EFCAB5: variants seen among roughly 807,000 people sequenced by gnomAD.
EFCAB5 encodes the protein EF-hand calcium-binding domain-containing protein 5.
Under a neutral mutation model 167.9 loss-of-function variants are expected in EFCAB5, and 131 were observed. That is an observed-to-expected ratio of 0.78 (90% CI 0.68 to 0.90). The LOEUF is 0.90. EFCAB5 is among the 40% of genes least tolerant of loss of function. The probability of loss-of-function intolerance (pLI) is 0.00; values close to 1 mark genes in which losing one functional copy is unlikely to be tolerated. For synonymous variants in EFCAB5, 574 were observed against 602.8 expected (o/e 0.95, Z 0.70); for missense variants, 1,663 against 1,745.2 (o/e 0.95, Z 0.84).
chr17:30,025,954 A>G (rs1389286401), intron 7 of EFCAB5, among the ~76,000 whole-genome samples: 2 of 151,312 alleles, frequency 1.3e-5, no homozygotes, highest in Non-Finnish European at 2.9e-5. Context: ...TCACTCATAG[A>G]TGGGAACTGA....
At chr17:30,107,536 G>A (rs1157868911) in intron 22 of EFCAB5, among the ~76,000 whole-genome samples, 6 of 152,232 alleles carry the variant, frequency 3.9e-5, no homozygotes, top group African/African-American at 1.2e-4. Flanking sequence ...TTTTAAAGCC[G>A]TTTAATTGTG....
intron 7 of EFCAB5, among the ~76,000 whole-genome samples, chr17:30,014,723 C>T (rs538417141): frequency 6.6e-6 from 1 of 152,276 alleles, no homozygotes; most frequent in African/African-American, 2.4e-5. Flanking sequence ...CTCCTGAGTA[C>T]AGCACACTGA....
intron 5 of EFCAB5, among the ~76,000 whole-genome samples, chr17:29,993,700 T>G (rs1268564221): frequency 3.3e-5 from 5 of 152,180 alleles, no homozygotes; most frequent in Non-Finnish European, 7.3e-5. Context: ...TGCTTTCTCT[T>G]AAGTGTATGT....
intron 1 of EFCAB5, chr17:29,929,926 G>C (rs760064584): frequency 1.9e-6 from 3 of 1,591,728 alleles, no homozygotes; most frequent in Non-Finnish European, 1.7e-6. Flanking sequence ...GCGGCCGCCA[G>C]GAAGGACTCA....
At position 30,053,328 on chromosome 17, in the gene EFCAB5, T is replaced by C. The variant is rs377721343; in HGVS notation, c.1374T>C (p.Tyr458=). Residue 458 remains tyrosine, a synonymous_variant, in exon 10 of 23, where the codon TAT becomes TAC. Transcript: ENST00000394835. ...ACATGGATAATCAGAAACACATTTA[T>C]GAAGGTTTTGACAAAGTGCTCTTGG... ...WGDMDNQKHI[Y]EGFDKVLLEM... is the part of the protein sequence containing the mutation. 79 of 1,613,870 alleles carry C rather than the reference T, an allele frequency of 4.9e-5. No individual in the cohort carries two copies. In the African/African-American group the frequency reaches 9.9e-4, roughly 20 times the overall value.
chr17:30,081,879 T>C (rs1289223235), intron 17 of EFCAB5, among the ~76,000 whole-genome samples: 1 of 152,220 alleles, frequency 6.6e-6, no homozygotes, highest in Non-Finnish European at 1.5e-5. Flanking sequence ...TATATAGTCT[T>C]GCTAGAGAGC....
At chr17:29,945,455 T>C (rs994103403) in intron 3 of EFCAB5, among the ~76,000 whole-genome samples, 3 of 152,078 alleles carry the variant, frequency 2.0e-5, no homozygotes, top group African/African-American at 7.2e-5. Context: ...CTTATGCCTG[T>C]AATCCCAGGA....
intron 18 of EFCAB5, among the ~76,000 whole-genome samples, chr17:30,085,698 C>T (rs1473106490): frequency 7.1e-6 from 1 of 140,160 alleles, no homozygotes; most frequent in East Asian, 2.1e-4. Flanking sequence ...GCAGCCTGGG[C>T]GACACAGCGA....
At chr17:29,968,221 A>G in intron 3 of EFCAB5, 1 of 406,468 alleles carries the variant, frequency 2.5e-6, no homozygotes. Context: ...GTTGTAGCAG[A>G]TGAAAATCAC....
At chr17:29,975,244 A>T (rs890472417) in intron 4 of EFCAB5, among the ~76,000 whole-genome samples, 73 of 151,058 alleles carry the variant, frequency 4.8e-4, no homozygotes, top group African/African-American at 1.7e-3. Flanking sequence ...ATATCTTCTG[A>T]CATACAGACC....
Position 30,108,018 on chromosome 17 carries a change from G to T in EFCAB5, c.4506G>T (p.Glu1502Asp). ...YAKMPGEGLQ[E>D]K ...AAATGCCAGGGGAAGGTTTGCAAGA[G>T]AAGTGATAATGGATGATAATGGAAT... is the stretch of plus-strand genomic sequence containing the variant. Residue 1502 changes from glutamate to aspartate, a missense_variant, in exon 23 of 23, where the codon GAG becomes GAT. Glu to Asp is a conservative substitution (Grantham distance 45). Transcript: ENST00000394835. 6.2e-6 allele frequency: 10 copies of T among 1,606,652 alleles called. No homozygotes were observed. Among genetic ancestry groups the T allele is most frequent in the Admixed American group, 1.7e-5 (1 of 57,820 alleles).
intron 19 of EFCAB5, 95 bp downstream of exon 19, chr17:30,087,261 A>G: frequency 3.2e-6 from 3 of 924,408 alleles, no homozygotes; most frequent in Non-Finnish European, 5.0e-6. Context: ...TTGCTCATAC[A>G]CGCTGACTTT....
chr17:29,989,615 G>A (rs996110732), intron 4 of EFCAB5, among the ~76,000 whole-genome samples: 2 of 152,126 alleles, frequency 1.3e-5, no homozygotes, highest in Non-Finnish European at 2.9e-5. Context: ...TGTCCCCATA[G>A]GTTGTATAAC....
intron 7 of EFCAB5, among the ~76,000 whole-genome samples, chr17:30,025,982 A>T (rs1343553767): frequency 6.6e-6 from 1 of 151,844 alleles, no homozygotes; most frequent in Non-Finnish European, 1.5e-5. Context: ...GAACACATGG[A>T]CACAGGAAGG....
chr17:30,016,744 C>A (rs139225963), intron 7 of EFCAB5, among the ~76,000 whole-genome samples: 10 of 152,230 alleles, frequency 6.6e-5, no homozygotes, highest in African/African-American at 1.9e-4. Flanking sequence ...AAAAAACTCT[C>A]CTCAATAACT....
chr17:30,049,311 C>T (rs1301796059), intron 8 of EFCAB5, among the ~76,000 whole-genome samples: 3 of 152,040 alleles, frequency 2.0e-5, no homozygotes, highest in Non-Finnish European at 4.4e-5. Context: ...GAAACCCTGT[C>T]TCTACTAAAA....
intron 4 of EFCAB5, among the ~76,000 whole-genome samples, chr17:29,980,695 T>G (rs941746018): frequency 6.6e-6 from 1 of 152,218 alleles, no homozygotes; most frequent in Non-Finnish European, 1.5e-5. Context: ...CACTCTATAT[T>G]CCATCCCTGA....
At chr17:29,973,439 G>A (rs981731873) in intron 4 of EFCAB5, among the ~76,000 whole-genome samples, 2 of 151,668 alleles carry the variant, frequency 1.3e-5, no homozygotes, top group Non-Finnish European at 2.9e-5. Flanking sequence ...TAATGTTTCA[G>A]GTCTTTATCT....
chr17:30,106,006 T>C (rs1172685460), intron 22 of EFCAB5, among the ~76,000 whole-genome samples: 1 of 152,200 alleles, frequency 6.6e-6, no homozygotes, highest in Non-Finnish European at 1.5e-5. Flanking sequence ...CAGAGAATCT[T>C]GTTCCTTTGT....
Sources: gnomAD v4.1 joint callset for allele counts (sites outside exome capture counted in the v4.1 genomes callset) on GRCh38, gnomAD v4.1.1 for gene constraint, MANE v1.5 for transcripts, NCBI Gene and HGNC (gene_info 2026-07-23, HGNC 2026-07-21) for gene names.